Variants in ARHGAP42 observed in about 807,000 individuals in gnomAD.
ARHGAP42 encodes the protein rho GTPase-activating protein 42.
Under a neutral mutation model 125.0 loss-of-function variants are expected in ARHGAP42, and 63 were observed. The ratio of observed to expected loss-of-function variants is 0.50; its 90% CI spans 0.41 to 0.62. The LOEUF (loss-of-function observed/expected upper bound fraction) is 0.62. Among genes scored for constraint, ARHGAP42 ranks in the 20% least tolerant of loss-of-function variants. The probability of loss-of-function intolerance (pLI) is 0.00; values close to 1 mark genes in which losing one functional copy is unlikely to be tolerated. For missense variants in ARHGAP42, 766 were observed against 1,024.2 expected, an observed-to-expected ratio of 0.75 and a Z score of 3.44; for synonymous variants, 339 against 351.0, an observed-to-expected ratio of 0.97 and a Z score of 0.38.
At position 100,921,302 on chromosome 11, in the gene ARHGAP42, G is replaced by A. The variant is rs140457832; in HGVS notation, c.487-192G>A. On this transcript the variant is annotated intron_variant, in intron 5 of 23. Transcript: ENST00000298815. ...GCAATGGGTATTGTGTACTTACTCCGTGTGTGTATGTGTCTGTGTGTGTGA... is the reference window on the plus strand; with the variant it reads ...GCAATGGGTATTGTGTACTTACTCCATGTGTGTATGTGTCTGTGTGTGTGA... 1.1e-4 allele frequency among the ~76,000 whole-genome samples: 13 copies of A among 120,642 alleles called. No homozygotes were observed. The East Asian group carries it at 2.9e-3, about 27-fold the overall frequency. The allele number at this position is 120,642 out of a possible 152,430, so 79.1% of individuals were successfully genotyped here. A position where few individuals can be genotyped will look rare whatever the true frequency, so the allele number is the denominator to read the frequency against.
chr11:100,867,392 A>C (rs1038785225), intron 4 of ARHGAP42, among the ~76,000 whole-genome samples: 2 of 152,242 alleles, frequency 1.3e-5, no homozygotes, highest in Admixed American at 6.5e-5. Context: ...CTTCTGGATA[A>C]CTTGCAGCAG....
At chr11:100,893,158 G>GGTGTGTGT (rs142725608) in intron 4 of ARHGAP42, among the ~76,000 whole-genome samples, 5,190 of 146,982 alleles carry the variant, frequency 0.035, 158 homozygotes, top group East Asian at 0.18. Context: ...AACATTTAGG[G>GGTGTGTGT]GTGTGTGTGT....
intron 6 of ARHGAP42, among the ~76,000 whole-genome samples, chr11:100,930,262 G>C (rs1035525103): frequency 6.6e-6 from 1 of 152,160 alleles, no homozygotes; most frequent in Non-Finnish European, 1.5e-5. Context: ...AATTCTTAAA[G>C]CTTTTCAGGC....
chr11:100,900,950 C>A (rs1698225462), intron 4 of ARHGAP42, among the ~76,000 whole-genome samples: 1 of 152,102 alleles, frequency 6.6e-6, no homozygotes, highest in Admixed American at 6.5e-5. Context: ...GAGCTGCGAT[C>A]TTTTGGAAGA....
chr11:100,937,724 C>A (rs1461655460), intron 8 of ARHGAP42, among the ~76,000 whole-genome samples: 1 of 152,170 alleles, frequency 6.6e-6, no homozygotes, highest in Non-Finnish European at 1.5e-5. Context: ...TTTGTGGGCA[C>A]ACAATATTTT....
intron 3 of ARHGAP42, among the ~76,000 whole-genome samples, chr11:100,849,496 C>A (rs916591530): frequency 2.0e-5 from 3 of 152,120 alleles, no homozygotes; most frequent in African/African-American, 7.2e-5. Flanking sequence ...CTCTTGTTTG[C>A]TAAATTGTAG....
intron 4 of ARHGAP42, among the ~76,000 whole-genome samples, chr11:100,881,262 A>G (rs1015507091): frequency 6.6e-6 from 1 of 152,132 alleles, no homozygotes; most frequent in Non-Finnish European, 1.5e-5. Context: ...TGATCTTTAC[A>G]TAAGGTGAGA....
chr11:100,919,575 T>A (rs951954257), intron 5 of ARHGAP42, among the ~76,000 whole-genome samples: 8 of 151,944 alleles, frequency 5.3e-5, no homozygotes, highest in East Asian at 1.9e-4. Flanking sequence ...TTTTCTTTTT[T>A]AAAAAAAATG....
chr11:100,925,002 T>C (rs1012640883), intron 6 of ARHGAP42, among the ~76,000 whole-genome samples: 1 of 151,894 alleles, frequency 6.6e-6, no homozygotes, highest in African/African-American at 2.4e-5. Context: ...TGGCTAATTT[T>C]TATATTTTTA....
chr11:100,764,736 T>G (rs1476427483), intron 1 of ARHGAP42, among the ~76,000 whole-genome samples: 1 of 152,174 alleles, frequency 6.6e-6, no homozygotes, highest in Non-Finnish European at 1.5e-5. Flanking sequence ...TTTACCCAAT[T>G]TGCAGAAATT....
chr11:100,864,667 T>A (rs1375729784), intron 4 of ARHGAP42, among the ~76,000 whole-genome samples: 1 of 152,182 alleles, frequency 6.6e-6, no homozygotes, highest in East Asian at 1.9e-4. Context: ...CGTGGCCCAG[T>A]GAAGATCAGA....
chr11:100,973,477 G>A, intron 18 of ARHGAP42, 143 bp downstream of exon 18: 1 of 863,098 alleles, frequency 1.2e-6, no homozygotes. Context: ...TTGTTTTTAA[G>A]TGCTTCTCAA....
chr11:100,986,183 C>A, intron 22 of ARHGAP42: 1 of 442,746 alleles, frequency 2.3e-6, no homozygotes, highest in South Asian at 1.6e-5. Context: ...ATACCAGATA[C>A]TAACACCATG....
chr11:100,693,267 G>C (rs1483620508), intron 1 of ARHGAP42, among the ~76,000 whole-genome samples: 2 of 151,816 alleles, frequency 1.3e-5, no homozygotes, highest in African/African-American at 4.8e-5. Flanking sequence ...AGCCTAATCA[G>C]AGGTGTGGAG....
At chr11:100,856,910 A>G (rs1401947680) in intron 3 of ARHGAP42, among the ~76,000 whole-genome samples, 2 of 152,044 alleles carry the variant, frequency 1.3e-5, no homozygotes, top group Non-Finnish European at 2.9e-5. Flanking sequence ...AAGTACAGGG[A>G]TGAAACACTG....
intron 4 of ARHGAP42, among the ~76,000 whole-genome samples, chr11:100,905,060 C>T (rs1424869876): frequency 1.3e-5 from 2 of 152,138 alleles, no homozygotes; most frequent in African/African-American, 4.8e-5. Context: ...GAAACTTTCT[C>T]TTCTCTCCAT....
chr11:100,875,129 G>C (rs1227387311), intron 4 of ARHGAP42, among the ~76,000 whole-genome samples: 4 of 121,672 alleles, frequency 3.3e-5, no homozygotes, highest in African/African-American at 9.4e-5. Flanking sequence ...GTGTGTGTGT[G>C]TGTGTGTGTG....
At chr11:100,712,250 C>A (rs1591121871) in intron 1 of ARHGAP42, among the ~76,000 whole-genome samples, 1 of 151,974 alleles carries the variant, frequency 6.6e-6, no homozygotes, top group Non-Finnish European at 1.5e-5. Flanking sequence ...GTGCTTTTAA[C>A]CTGTATAAAT....
At chr11:100,842,145 C>T (rs183446787) in intron 3 of ARHGAP42, among the ~76,000 whole-genome samples, 39 of 152,212 alleles carry the variant, frequency 2.6e-4, no homozygotes, top group African/African-American at 7.5e-4. Flanking sequence ...AGTTCTCACC[C>T]GAAAGGTTAT....
Sources: allele counts gnomAD v4.1 joint callset (sites outside exome capture counted in the v4.1 genomes callset), GRCh38; gene constraint gnomAD v4.1.1; transcripts MANE v1.5; gene names NCBI Gene and HGNC (gene_info 2026-07-23, HGNC 2026-07-21).